The following TCF20 variants were observed in gnomAD, a reference collection of about 807,000 sequenced individuals.
The protein encoded by TCF20 is transcription factor 20.
TCF20 carries 3 observed loss-of-function variants against 148.6 expected under a neutral mutation model. That is an observed-to-expected ratio of 0.02 (90% CI 0.01 to 0.05). The LOEUF (loss-of-function observed/expected upper bound fraction) is 0.05, where lower values mean the gene tolerates loss of function less well. Ranked by LOEUF, TCF20 falls within the 10% of genes least tolerant of loss-of-function variation. The probability of loss-of-function intolerance (pLI) is 1.00; values close to 1 mark genes in which losing one functional copy is unlikely to be tolerated. For missense variants in TCF20, 2,350 were observed against 2,429.3 expected, an observed-to-expected ratio of 0.97 and a Z score of 0.69; for synonymous variants, 1,049 against 909.5, an observed-to-expected ratio of 1.15 and a Z score of -2.76.
chr22:42,224,613 CAACCA>C (rs1182602448), intron 1 of TCF20, among the ~76,000 whole-genome samples: 3 of 116,500 alleles, frequency 2.6e-5, no homozygotes, highest in Non-Finnish European at 5.5e-5. Context: ...ATAAAACAGT[CAACCA>C]AACAAAAAAA....
chr22:42,294,928 G>T (rs923074689), intron 1 of TCF20, among the ~76,000 whole-genome samples: 1 of 152,202 alleles, frequency 6.6e-6, no homozygotes, highest in African/African-American at 2.4e-5. Flanking sequence ...GTGCTTGATG[G>T]CTTCTGTGCA....
At chr22:42,336,801 A>G (rs575561428) in intron 1 of TCF20, among the ~76,000 whole-genome samples, 1 of 152,032 alleles carries the variant, frequency 6.6e-6, no homozygotes, top group African/African-American at 2.4e-5. Flanking sequence ...CTCCCTCACG[A>G]CTGGTACTCC....
At chr22:42,208,663 C>A (rs1290241489) in intron 2 of TCF20, among the ~76,000 whole-genome samples, 1 of 151,864 alleles carries the variant, frequency 6.6e-6, no homozygotes, top group Non-Finnish European at 1.5e-5. Flanking sequence ...CTGAAGAAAG[C>A]ATAGAGAAAT....
At chr22:42,268,363 T>C (rs1301022060) in intron 1 of TCF20, among the ~76,000 whole-genome samples, 2 of 152,148 alleles carry the variant, frequency 1.3e-5, no homozygotes, top group African/African-American at 2.4e-5. Context: ...TCAGTGAAAC[T>C]AATTGCGGTT....
intron 1 of TCF20, among the ~76,000 whole-genome samples, chr22:42,311,192 G>T (rs961628076): frequency 1.3e-5 from 2 of 152,202 alleles, no homozygotes; most frequent in African/African-American, 4.8e-5. Context: ...TCCCACCTGC[G>T]GCAGGCTCTG....
At chr22:42,296,648 G>A (rs899211675) in intron 1 of TCF20, among the ~76,000 whole-genome samples, 2 of 152,156 alleles carry the variant, frequency 1.3e-5, no homozygotes, top group Non-Finnish European at 2.9e-5. Context: ...CGGGAGGCAG[G>A]CCAGGCAGGG....
At chr22:42,335,515 C>T (rs1928050747) in intron 1 of TCF20, among the ~76,000 whole-genome samples, 1 of 152,218 alleles carries the variant, frequency 6.6e-6, no homozygotes, top group African/African-American at 2.4e-5. Flanking sequence ...CATAGTAGGG[C>T]TGCAATATCC....
chr22:42,182,540 C>T (rs892893991), intron 2 of TCF20, among the ~76,000 whole-genome samples: 1 of 152,214 alleles, frequency 6.6e-6, no homozygotes, highest in Non-Finnish European at 1.5e-5. Flanking sequence ...TACCTCAACT[C>T]CACAACCTGG....
At chr22:42,308,000 G>A (rs760450649) in intron 1 of TCF20, among the ~76,000 whole-genome samples, 1 of 152,232 alleles carries the variant, frequency 6.6e-6, no homozygotes. Context: ...ATTAGAATGA[G>A]TTAAGACCAG....
At chr22:42,268,914 T>C (rs1229633474) in intron 1 of TCF20, among the ~76,000 whole-genome samples, 1 of 152,242 alleles carries the variant, frequency 6.6e-6, no homozygotes, top group African/African-American at 2.4e-5. Context: ...AGGTACAGTC[T>C]GCATTTCTCA....
At chr22:42,343,264 C>T (rs1928199636) in intron 1 of TCF20, among the ~76,000 whole-genome samples, 2 of 152,136 alleles carry the variant, frequency 1.3e-5, no homozygotes, top group South Asian at 4.1e-4. Context: ...GACAAACACC[C>T]CCTACTTCAG....
Position 42,210,476 on chromosome 22 carries a change from A to G in TCF20, c.4830T>C (p.Pro1610=). Residue 1610 remains proline, a synonymous_variant, in exon 2 of 6, where the codon CCT becomes CCC. Coordinates refer to ENST00000677622, the MANE Select transcript of TCF20 (RefSeq NM_001378418.1). This position sits in a 1 kb window ranked among gnomAD's most constrained non-coding sequence, Gnocchi z 4.7. ...QAVPIVEPQE[P]EIKLKYATQP... is the part of the protein sequence containing the mutation. ...GGGTGGCATATTTTAGTTTGATCTC[A>G]GGTTCTTGGGGTTCCACAATGGGAA... The G allele has an allele frequency of 3.7e-6, 6 of 1,614,176 alleles. No individual in the cohort carries two copies. Among genetic ancestry groups the G allele is most frequent in the Non-Finnish European group, 5.1e-6 (6 of 1,180,036 alleles).
At chr22:42,221,502 C>G (rs1000333062) in intron 1 of TCF20, among the ~76,000 whole-genome samples, 5 of 152,132 alleles carry the variant, frequency 3.3e-5, no homozygotes, top group Non-Finnish European at 7.3e-5. Flanking sequence ...ACTATTGCCA[C>G]TTGGGGAATG....
intron 2 of TCF20, among the ~76,000 whole-genome samples, chr22:42,190,441 C>T (rs1040300958): frequency 6.7e-6 from 1 of 148,592 alleles, no homozygotes; most frequent in African/African-American, 2.5e-5. Flanking sequence ...GCCTGGATGA[C>T]AGGGCAAGAC....
intron 5 of TCF20, among the ~76,000 whole-genome samples, chr22:42,163,474 A>G (rs1935587330): frequency 6.6e-6 from 1 of 152,220 alleles, no homozygotes; most frequent in South Asian, 2.1e-4. Context: ...GGAAATTAGG[A>G]AGGAAGGAAA....
intron 1 of TCF20, among the ~76,000 whole-genome samples, chr22:42,293,344 G>A (rs1927167597): frequency 6.6e-6 from 1 of 152,214 alleles, no homozygotes; most frequent in South Asian, 2.1e-4. Flanking sequence ...AAACAAAAAG[G>A]GCAAAGGTCA....
intron 1 of TCF20, among the ~76,000 whole-genome samples, chr22:42,321,678 GA>G (rs1206831258): frequency 6.6e-6 from 1 of 151,862 alleles, no homozygotes; most frequent in African/African-American, 2.4e-5. Context: ...TGGGCGCGGT[GA>G]CTCACACCTG....
intron 1 of TCF20, among the ~76,000 whole-genome samples, chr22:42,304,667 T>C (rs965285929): frequency 3.3e-5 from 5 of 152,140 alleles, no homozygotes; most frequent in African/African-American, 9.7e-5. Flanking sequence ...GGCAGAATCA[T>C]GTAATTCCAT....
intron 1 of TCF20, among the ~76,000 whole-genome samples, chr22:42,324,689 T>TTGAGAAAAAATAATCTCCACCATC (rs1569210083): frequency 6.4e-5 from 4 of 62,696 alleles, no homozygotes; most frequent in African/African-American, 1.0e-4. Context: ...TCTCCACCAT[T>TTGAGAAAAAATAATCTCCACCATC]TGAGAAAAAA....
Sources: allele counts gnomAD v4.1 joint callset (sites outside exome capture counted in the v4.1 genomes callset), GRCh38; gene constraint gnomAD v4.1.1; non-coding constraint Gnocchi (gnomAD v3.1); transcripts MANE v1.5; gene names NCBI Gene and HGNC (gene_info 2026-07-23, HGNC 2026-07-21).